Variants in DCAF6 observed in about 807,000 individuals in gnomAD.
DCAF6 encodes the protein DDB1- and CUL4-associated factor 6.
DCAF6 carries 54 observed loss-of-function variants against 125.1 expected under a neutral mutation model. The observed-to-expected ratio is 0.43, with a 90% CI of 0.35 to 0.54. The LOEUF is 0.54. DCAF6 is among the 20% of genes least tolerant of loss of function. The probability of loss-of-function intolerance (pLI) is 0.01; values close to 1 mark genes in which losing one functional copy is unlikely to be tolerated. For synonymous variants in DCAF6, 371 were observed against 390.4 expected, an observed-to-expected ratio of 0.95 and a Z score of 0.58; for missense variants, 934 against 1,161.7, an observed-to-expected ratio of 0.80 and a Z score of 2.85.
intron 12 of DCAF6, among the ~76,000 whole-genome samples, chr1:168,027,484 CTA>C (rs1686490709): frequency 6.6e-6 from 1 of 152,102 alleles, no homozygotes. Flanking sequence ...ATATCTCTGA[CTA>C]ATGATTATTT....
intron 4 of DCAF6, among the ~76,000 whole-genome samples, chr1:167,976,994 C>T (rs1409278472): frequency 2.9e-5 from 4 of 139,502 alleles, no homozygotes; most frequent in Admixed American, 1.6e-4. Flanking sequence ...ACCTCTGCCT[C>T]CTGGGTTCAA....
At chr1:167,977,483 C>T (rs1282580788) in intron 4 of DCAF6, among the ~76,000 whole-genome samples, 2 of 151,976 alleles carry the variant, frequency 1.3e-5, no homozygotes, top group African/African-American at 4.8e-5. Flanking sequence ...TATAGGTAAC[C>T]TGTTTCTTTT....
intron 4 of DCAF6, among the ~76,000 whole-genome samples, chr1:167,978,782 A>G (rs985124282): frequency 6.6e-6 from 1 of 152,060 alleles, no homozygotes; most frequent in Non-Finnish European, 1.5e-5. Context: ...TTGCCTCCCA[A>G]GTAGCTGAGA....
At chr1:167,899,723 A>C in the DCAF6 span, 1 of 1,187,826 alleles carries the variant, frequency 8.4e-7, no homozygotes, top group Non-Finnish European at 1.2e-6. Flanking sequence ...TGGTGGGACT[A>C]TACTATCTCA....
intron 7 of DCAF6, among the ~76,000 whole-genome samples, chr1:168,001,731 A>C (rs909056550): frequency 1.3e-5 from 2 of 152,142 alleles, no homozygotes; most frequent in African/African-American, 4.8e-5. Flanking sequence ...AGAAGAGAGA[A>C]TAATTGGTCA....
chr1:168,016,035 C>T, intron 11 of DCAF6, 84 bp downstream of exon 11: 1 of 1,206,630 alleles, frequency 8.3e-7, no homozygotes, highest in South Asian at 3.0e-5. Flanking sequence ...TCCCTTTTCC[C>T]ATTCAAAAAG....
At chr1:167,928,826 G>T in the DCAF6 span, among the ~76,000 whole-genome samples, 1 of 152,170 alleles carries the variant, frequency 6.6e-6, no homozygotes, top group Non-Finnish European at 1.5e-5. Flanking sequence ...TATGATAAAT[G>T]AAATAACTTG....
At chr1:167,865,126 T>C in the DCAF6 span, among the ~76,000 whole-genome samples, 2 of 152,160 alleles carry the variant, frequency 1.3e-5, no homozygotes, top group Non-Finnish European at 2.9e-5. Flanking sequence ...GCCTCCTGAG[T>C]ACTATTGAAG....
At chr1:168,038,100 C>T (rs1339208306) in intron 12 of DCAF6, among the ~76,000 whole-genome samples, 2 of 152,126 alleles carry the variant, frequency 1.3e-5, no homozygotes, top group African/African-American at 4.8e-5. Flanking sequence ...TTTGATTCCC[C>T]TAATGACTAA....
chr1:167,942,006 T>C (rs1481477932), intron 1 of DCAF6, among the ~76,000 whole-genome samples: 3 of 152,232 alleles, frequency 2.0e-5, no homozygotes, highest in Non-Finnish European at 4.4e-5. Flanking sequence ...GTAGTGAGTC[T>C]TCCTAATTGT....
chr1:167,928,569 A>G, the DCAF6 span, among the ~76,000 whole-genome samples: 1 of 152,196 alleles, frequency 6.6e-6, no homozygotes, highest in East Asian at 1.9e-4. Context: ...ACTTACTTCA[A>G]CATTTCTAAA....
At chr1:168,046,140 C>T (rs1413759869) in intron 16 of DCAF6, among the ~76,000 whole-genome samples, 1 of 151,990 alleles carries the variant, frequency 6.6e-6, no homozygotes, top group Non-Finnish European at 1.5e-5. Context: ...CACCACTTAC[C>T]AGCAGTGTTT....
chr1:167,878,633 T>C, the DCAF6 span: 2 of 1,613,864 alleles, frequency 1.2e-6, no homozygotes, highest in South Asian at 2.2e-5. Context: ...TTTTGACCAA[T>C]GACTATAGCA....
At chr1:167,977,308 C>T (rs1223023007) in intron 4 of DCAF6, among the ~76,000 whole-genome samples, 1 of 146,678 alleles carries the variant, frequency 6.8e-6, no homozygotes, top group South Asian at 2.1e-4. Context: ...CTTTTCTTTC[C>T]TTTGTGAAAA....
At chr1:167,940,071 C>T (rs549422562) in intron 1 of DCAF6, among the ~76,000 whole-genome samples, 1 of 152,200 alleles carries the variant, frequency 6.6e-6, no homozygotes, top group Non-Finnish European at 1.5e-5. Context: ...AGCATGTGCC[C>T]TTTCAATGTT....
chr1:168,021,681 A>G (rs947509355), intron 11 of DCAF6, among the ~76,000 whole-genome samples: 1 of 152,226 alleles, frequency 6.6e-6, no homozygotes, highest in Admixed American at 6.5e-5. Context: ...AGAGAAAAAT[A>G]CATGAACAAA....
chr1:168,062,838 C>G (rs1691772989), intron 17 of DCAF6, among the ~76,000 whole-genome samples: 1 of 151,548 alleles, frequency 6.6e-6, no homozygotes, highest in Non-Finnish European at 1.5e-5. Context: ...TTCATTAGTT[C>G]TAAATTCGTA....
intron 12 of DCAF6, among the ~76,000 whole-genome samples, chr1:168,029,209 A>T (rs533941533): frequency 1.4e-4 from 22 of 152,358 alleles, no homozygotes; most frequent in Non-Finnish European, 2.9e-5. Context: ...TCATAAAAAT[A>T]ACTGACATTT....
At chr1:167,879,617 G>T in the DCAF6 span, among the ~76,000 whole-genome samples, 1 of 151,686 alleles carries the variant, frequency 6.6e-6, no homozygotes, top group Non-Finnish European at 1.5e-5. Flanking sequence ...TAACTATCGT[G>T]GTATTTTACA....
Sources: allele counts gnomAD v4.1 joint callset (sites outside exome capture counted in the v4.1 genomes callset), GRCh38; gene constraint gnomAD v4.1.1; transcripts MANE v1.5; gene names NCBI Gene and HGNC (gene_info 2026-07-23, HGNC 2026-07-21).